PLA2G4A: variants seen among roughly 807,000 people sequenced by gnomAD.
The protein encoded by PLA2G4A is cytosolic phospholipase A2.
In PLA2G4A, 40 loss-of-function variants were observed where a neutral mutation model predicts 81.9. The observed-to-expected ratio is 0.49, with a 90% CI of 0.38 to 0.64. PLA2G4A has a LOEUF of 0.64. Among genes scored for constraint, PLA2G4A ranks in the 30% least tolerant of loss-of-function variants. PLA2G4A has a pLI of 0.00. For missense variants in PLA2G4A, 715 were observed against 905.1 expected, an observed-to-expected ratio of 0.79 and a Z score of 2.69; for synonymous variants, 302 against 296.9, an observed-to-expected ratio of 1.02 and a Z score of -0.18.
At chr1:186,978,460 A>G (rs1242686009) in intron 16 of PLA2G4A, among the ~76,000 whole-genome samples, 2 of 152,200 alleles carry the variant, frequency 1.3e-5, no homozygotes, top group Non-Finnish European at 2.9e-5. Context: ...AGGATGAGTA[A>G]TGGGAATATG....
intron 1 of PLA2G4A, among the ~76,000 whole-genome samples, chr1:186,844,582 G>A (rs540609837): frequency 6.6e-6 from 1 of 152,212 alleles, no homozygotes. Context: ...TTATCCTTCA[G>A]GTATATACCC....
At chr1:186,931,316 A>C (rs1655736464) in intron 7 of PLA2G4A, among the ~76,000 whole-genome samples, 1 of 152,034 alleles carries the variant, frequency 6.6e-6, no homozygotes, top group South Asian at 2.1e-4. Flanking sequence ...ATTGCACTGC[A>C]CTTGTAGAGT....
At position 186,867,329 on chromosome 1, in the gene PLA2G4A, A is replaced by G. The variant is rs185385240; in HGVS notation, c.34-3106A>G. 3.5e-4 allele frequency among the ~76,000 whole-genome samples: 53 copies of G among 152,280 alleles called. No individual in the cohort carries two copies. The East Asian group carries it at 7.9e-3, about 23-fold the overall frequency. ...TTTACATTATTGAGTCTTCCCATCCATGAATATGGAATATCTCTCCATTTA... is the reference window on the plus strand; with the variant it reads ...TTTACATTATTGAGTCTTCCCATCCGTGAATATGGAATATCTCTCCATTTA... On this transcript the variant is annotated intron_variant, in intron 2 of 17. Coordinates refer to ENST00000367466, the MANE Select transcript of PLA2G4A (RefSeq NM_024420.3).
intron 3 of PLA2G4A, among the ~76,000 whole-genome samples, chr1:186,880,890 G>A (rs972792401): frequency 6.6e-6 from 1 of 151,936 alleles, no homozygotes; most frequent in Non-Finnish European, 1.5e-5. Context: ...TAAGTAAAAT[G>A]ACACTGCAGG....
chr1:186,841,265 C>A (rs1276348236), intron 1 of PLA2G4A, among the ~76,000 whole-genome samples: 3 of 152,082 alleles, frequency 2.0e-5, no homozygotes, highest in Non-Finnish European at 4.4e-5. Context: ...TTTATTGGAC[C>A]AATCCCAAGG....
At chr1:186,843,424 A>G (rs924024176) in intron 1 of PLA2G4A, among the ~76,000 whole-genome samples, 3 of 152,164 alleles carry the variant, frequency 2.0e-5, no homozygotes, top group Non-Finnish European at 2.9e-5. Flanking sequence ...CAAATCCCCC[A>G]GTTTGCTTAT....
chr1:186,946,682 G>A lies in PLA2G4A; in HGVS notation c.1079G>A (p.Gly360Asp). The A allele has an allele frequency of 1.2e-6, 2 of 1,610,446 alleles. No individual in the cohort carries two copies. The highest frequency in any genetic ancestry group is 1.7e-6 in the Non-Finnish European group (2 of 1,176,884). The change falls in exon 11 of 18, where the codon GGT becomes GAT. Residue 360 changes from glycine (G) to aspartate (D), a missense_variant. Gly to Asp is a moderately conservative substitution (Grantham distance 94, BLOSUM62 -1). Transcript: ENST00000367466. ...TACGAAATTGGCATGGCTAAATATG[G>A]TACTTTTATGGCTCCCGACTTATTT... is the stretch of plus-strand genomic sequence containing the variant. ...SPYEIGMAKY[G>D]TFMAPDLFGS...
At chr1:186,958,474 A>G (rs953184124) in intron 14 of PLA2G4A, among the ~76,000 whole-genome samples, 2 of 152,170 alleles carry the variant, frequency 1.3e-5, no homozygotes, top group African/African-American at 2.4e-5. Flanking sequence ...AAAAACTACA[A>G]ATTCATAGAG....
intron 1 of PLA2G4A, among the ~76,000 whole-genome samples, chr1:186,839,045 A>G (rs746108564): frequency 6.7e-6 from 1 of 148,790 alleles, no homozygotes; most frequent in Non-Finnish European, 1.5e-5. Flanking sequence ...TGAACTATTG[A>G]CTCATATTTC....
chr1:186,830,948 T>A lies in PLA2G4A; in HGVS notation c.-70+1913T>A, dbSNP rs1184892794. Among the ~76,000 whole-genome samples, 24 of 40,992 alleles carry A rather than the reference T, an allele frequency of 5.9e-4. No homozygotes were observed. The South Asian group carries it at 9.2e-3, about 16-fold the overall frequency. The allele number at this position is 40,992 out of a possible 152,430, so 26.9% of individuals were successfully genotyped here. ...CTCCAGATTGTATAGCTTGCTTGCT[T>A]GCTTGCTTGCTTTCTTTCTTTCTTT... is the stretch of plus-strand genomic sequence containing the variant. On this transcript the variant is annotated intron_variant, in intron 1 of 17. Coordinates refer to ENST00000367466, the MANE Select transcript of PLA2G4A (RefSeq NM_024420.3).
intron 2 of PLA2G4A, among the ~76,000 whole-genome samples, chr1:186,870,174 A>G (rs74137530): frequency 0.014 from 2,057 of 152,190 alleles, 57 homozygotes; most frequent in African/African-American, 0.045. Context: ...CCTGATTTAC[A>G]TTTTTTACCA....
intron 3 of PLA2G4A, among the ~76,000 whole-genome samples, chr1:186,872,553 A>G (rs1653317168): frequency 2.0e-5 from 3 of 152,072 alleles, no homozygotes; most frequent in South Asian, 4.2e-4. Flanking sequence ...TCTGTTGTGT[A>G]GAGACAACGG....
intron 14 of PLA2G4A, among the ~76,000 whole-genome samples, chr1:186,960,262 G>T (rs906387741): frequency 1.8e-4 from 28 of 152,116 alleles, no homozygotes; most frequent in African/African-American, 6.5e-4. Context: ...AAGAAATAAA[G>T]ACATGAGTTA....
intron 7 of PLA2G4A, among the ~76,000 whole-genome samples, chr1:186,912,155 C>G (rs1241161910): frequency 6.6e-6 from 1 of 152,188 alleles, no homozygotes; most frequent in Non-Finnish European, 1.5e-5. Context: ...AAAACACCCT[C>G]ATTAGCACCC....
At chr1:186,895,976 A>G (rs1215958650) in intron 5 of PLA2G4A, among the ~76,000 whole-genome samples, 1 of 151,562 alleles carries the variant, frequency 6.6e-6, no homozygotes. Flanking sequence ...TGTATATATA[A>G]TACATGCATA....
chr1:186,931,090 A>G (rs932828558), intron 7 of PLA2G4A, among the ~76,000 whole-genome samples: 2 of 152,062 alleles, frequency 1.3e-5, no homozygotes, highest in Non-Finnish European at 2.9e-5. Context: ...TGTATAACCT[A>G]CTTTAGTTTC....
intron 1 of PLA2G4A, among the ~76,000 whole-genome samples, chr1:186,830,346 GC>G: frequency 6.6e-6 from 1 of 152,172 alleles, no homozygotes; most frequent in Non-Finnish European, 1.5e-5. Context: ...AGTGGCTCAT[GC>G]CCGTAATACC....
intron 12 of PLA2G4A, among the ~76,000 whole-genome samples, chr1:186,947,728 C>T (rs899823097): frequency 1.3e-5 from 2 of 152,104 alleles, no homozygotes; most frequent in Non-Finnish European, 2.9e-5. Context: ...TGGTGGCATG[C>T]TAAATCTGAA....
At chr1:186,855,812 C>T (rs1652530590) in intron 2 of PLA2G4A, among the ~76,000 whole-genome samples, 2 of 151,944 alleles carry the variant, frequency 1.3e-5, no homozygotes, top group Admixed American at 6.6e-5. Context: ...ATCAGGCTAC[C>T]ATATATGTGT....
Sources: gnomAD v4.1 joint callset for allele counts (sites outside exome capture counted in the v4.1 genomes callset) on GRCh38, gnomAD v4.1.1 for gene constraint, MANE v1.5 for transcripts, NCBI Gene and HGNC (gene_info 2026-07-23, HGNC 2026-07-21) for gene names.